CSTA: variants seen among roughly 807,000 people sequenced by gnomAD.
The protein encoded by CSTA is cystatin-A.
Under a neutral mutation model 9.2 loss-of-function variants are expected in CSTA, and 9 were observed. That is an observed-to-expected ratio of 0.97 (90% CI 0.59 to 1.70). The LOEUF is 1.70. Ranked by LOEUF, CSTA falls within the 40% of genes most tolerant of loss-of-function variation. The pLI is 0.00. For missense variants in CSTA, 118 were observed against 113.1 expected (o/e 1.04, Z -0.20); for synonymous variants, 36 against 40.6 (o/e 0.89, Z 0.43).
intron 2 of CSTA, among the ~76,000 whole-genome samples, chr3:122,340,479 T>C (rs546052102): frequency 2.4e-4 from 36 of 152,240 alleles, no homozygotes; most frequent in South Asian, 1.5e-3. Context: ...TAATTTTGTA[T>C]TTTTAGTAGA....
chr3:122,334,707 C>T (rs1440978112), intron 1 of CSTA, among the ~76,000 whole-genome samples: 1 of 152,124 alleles, frequency 6.6e-6, no homozygotes, highest in Non-Finnish European at 1.5e-5. Context: ...AATCCACAGA[C>T]ATAAAGACAA....
At chr3:122,330,017 C>T (rs950747917) in intron 1 of CSTA, among the ~76,000 whole-genome samples, 1 of 152,188 alleles carries the variant, frequency 6.6e-6, no homozygotes, top group African/African-American at 2.4e-5. Flanking sequence ...TTAGGAAGCA[C>T]TTTCACGTCA....
chr3:122,341,573 T>C lies in CSTA; in HGVS notation c.*6T>C, dbSNP rs765035453. The C allele has an allele frequency of 3.7e-6, 6 of 1,614,034 alleles. No individual in the cohort carries two copies. The highest frequency in any genetic ancestry group is 1.3e-5 in the African/African-American group (1 of 74,930). On this transcript the variant is annotated 3_prime_UTR_variant, in exon 3 of 3. Coordinates refer to ENST00000264474, the MANE Select transcript of CSTA (RefSeq NM_005213.4). ...ACGAGCTGACGGGCTTTTAGCAGCATGTACCCAAAGTGTTCTGATTCCTTC... is the reference window on the plus strand; with the variant it reads ...ACGAGCTGACGGGCTTTTAGCAGCACGTACCCAAAGTGTTCTGATTCCTTC...
intron 1 of CSTA, among the ~76,000 whole-genome samples, chr3:122,328,393 C>T (rs2075182375): frequency 1.3e-5 from 2 of 150,816 alleles, no homozygotes; most frequent in South Asian, 4.2e-4. Flanking sequence ...CCCAGCTACC[C>T]AGAGGCTGAG....
At position 122,337,660 on chromosome 3, in the gene CSTA, G is replaced by A. The variant is rs760684347; in HGVS notation, c.168+12G>A. 2 of 1,498,452 alleles carry A rather than the reference G, an allele frequency of 1.3e-6. No homozygotes were observed. Among genetic ancestry groups the A allele is most frequent in the South Asian group, 2.3e-5 (2 of 88,760 alleles). The allele number at this position is 1,498,452 out of a possible 1,614,324, so 92.8% of individuals were successfully genotyped here. A position where few individuals can be genotyped will look rare whatever the true frequency, so the allele number is the denominator to read the frequency against. Reference sequence around the variant, plus strand: ...ATTACTACATTAAGGTTAGAGTTCAGCACCTACTTTAGCGCCAAAAGATGT... The same window carrying A: ...ATTACTACATTAAGGTTAGAGTTCAACACCTACTTTAGCGCCAAAAGATGT... On this transcript the variant is annotated intron_variant, in intron 2 of 2. Transcript: ENST00000264474.
Position 122,341,694 on chromosome 3 carries a change from T to G in CSTA, c.*127T>G. On this transcript the variant is annotated 3_prime_UTR_variant, in exon 3 of 3. Coordinates refer to ENST00000264474, the MANE Select transcript of CSTA (RefSeq NM_005213.4). ...AATTATTTCTTCAATTATTTCTCAT[T>G]TATTGTATTAAGCAGAAATTACCTT... 5 of 1,216,366 alleles carry G rather than the reference T, an allele frequency of 4.1e-6. No homozygotes were observed. The highest frequency in any genetic ancestry group is 4.8e-6 in the Non-Finnish European group (4 of 841,016). 75.3% of individuals were successfully genotyped at this position (1,216,366 alleles called of 1,614,324 possible).
chr3:122,337,422 A>G (rs866693020), intron 1 of CSTA, 125 bp from the exon 2 acceptor site: 6 of 677,740 alleles, frequency 8.9e-6, no homozygotes, highest in South Asian at 5.2e-5. Context: ...AATAATAAAA[A>G]TAGTTCATAG....
At position 122,325,327 on chromosome 3, in the gene CSTA, C is replaced by T; in HGVS notation, c.35C>T (p.Ala12Val). The T allele has an allele frequency of 1.9e-6, 3 of 1,614,198 alleles. No individual in the cohort carries two copies. Among genetic ancestry groups the T allele is most frequent in the Non-Finnish European group, 1.7e-6 (2 of 1,180,034 alleles). Residue 12 changes from alanine to valine, a missense_variant, in exon 1 of 3, where the codon GCC becomes GTC. Transcript: ENST00000264474. ...IPGGLSEAKP[A>V]TPEIQEIVDK... Reference sequence around the variant, plus strand: ...GGAGGCTTATCTGAGGCCAAACCCGCCACTCCAGAAATCCAGGAGATTGTT... The same window carrying T: ...GGAGGCTTATCTGAGGCCAAACCCGTCACTCCAGAAATCCAGGAGATTGTT...
chr3:122,339,779 G>A (rs991973415), intron 2 of CSTA, among the ~76,000 whole-genome samples: 6 of 152,172 alleles, frequency 3.9e-5, no homozygotes, highest in African/African-American at 1.2e-4. Context: ...CACTTGAGCC[G>A]AGGAGTTTGA....
At position 122,341,771 on chromosome 3, in the gene CSTA, T is replaced by C. The variant is rs1377906337; in HGVS notation, c.*204T>C. 5 of 604,900 alleles carry C rather than the reference T, an allele frequency of 8.3e-6. No individual in the cohort carries two copies. Among genetic ancestry groups the C allele is most frequent in the African/African-American group, 1.9e-5 (1 of 53,596 alleles). The allele number at this position is 604,900 out of a possible 1,614,324, so 37.5% of individuals were successfully genotyped here. ...TTTAGAGTATAAACTCCATATAAATTGATGGCAATTGGAAATCTTATAAAA... is the reference window on the plus strand; with the variant it reads ...TTTAGAGTATAAACTCCATATAAATCGATGGCAATTGGAAATCTTATAAAA... On this transcript the variant is annotated 3_prime_UTR_variant, in exon 3 of 3. Coordinates refer to ENST00000264474, the MANE Select transcript of CSTA (RefSeq NM_005213.4).
chr3:122,327,742 C>T (rs1478246251), intron 1 of CSTA, among the ~76,000 whole-genome samples: 2 of 19,538 alleles, frequency 1.0e-4, no homozygotes, highest in Non-Finnish European at 7.0e-4. Context: ...GAAAGCATCC[C>T]TGACCCTAAA....
chr3:122,338,787 A>G (rs1211720130), intron 2 of CSTA, among the ~76,000 whole-genome samples: 2 of 152,248 alleles, frequency 1.3e-5, no homozygotes, highest in Non-Finnish European at 2.9e-5. Context: ...CAACATTAAC[A>G]TATTTAATAA....
chr3:122,337,291 T>G (rs1184650253), intron 1 of CSTA, among the ~76,000 whole-genome samples: 1 of 152,216 alleles, frequency 6.6e-6, no homozygotes, highest in Non-Finnish European at 1.5e-5. Context: ...TCTTAGAGTT[T>G]TAGCAGTCAA....
At chr3:122,327,094 C>T (rs529001166) in intron 1 of CSTA, among the ~76,000 whole-genome samples, 119 of 151,788 alleles carry the variant, frequency 7.8e-4, no homozygotes, top group Non-Finnish European at 1.5e-3. Context: ...AAAAATTAGC[C>T]GAGCATGGTG....
chr3:122,333,595 A>AAAGAAAG, intron 1 of CSTA, among the ~76,000 whole-genome samples: 1 of 128,756 alleles, frequency 7.8e-6, no homozygotes, highest in Non-Finnish European at 1.8e-5. Flanking sequence ...AAGAAAGAAG[A>AAAGAAAG]AAGAGAGAGA....
In CSTA at chr3:122,341,671, T is replaced by G. The variant is rs2075266758; in HGVS notation, c.*104T>G. 1 of 1,385,356 alleles carries G rather than the reference T, an allele frequency of 7.2e-7. No homozygotes were observed. Among genetic ancestry groups the G allele is most frequent in the Non-Finnish European group, 1.0e-6 (1 of 986,902 alleles). The allele number at this position is 1,385,356 out of a possible 1,614,324, so 85.8% of individuals were successfully genotyped here. ...AAAGAAGCATTCTTTTCCAAAGAAA[T>G]TATTTCTTCAATTATTTCTCATTTA... On this transcript the variant is annotated 3_prime_UTR_variant, in exon 3 of 3. Transcript: ENST00000264474.
rs977166091 is a variant in CSTA at position 122,341,881 on chromosome 3, C to T, written c.*314C>T. On this transcript the variant is annotated 3_prime_UTR_variant, in exon 3 of 3. Transcript: ENST00000264474. ...CAGGCTGGATCGTGGACTATCAATT[C>T]ACCAGCCTCCTTGTTCCCTGTGGCT... 2.8e-6 allele frequency: 1 copy of T among 356,008 alleles called. No homozygotes were observed. The highest frequency in any genetic ancestry group is 5.3e-6 in the Non-Finnish European group (1 of 187,670). 22.1% of individuals were successfully genotyped at this position (356,008 alleles called of 1,614,324 possible). A position where few individuals can be genotyped will look rare whatever the true frequency, so the allele number is the denominator to read the frequency against.
In CSTA at chr3:122,341,464, T is replaced by A. The variant is rs369153947; in HGVS notation, c.194T>A (p.Met65Lys). Reference sequence around the variant, plus strand: ...GTACGAGCAGGTGATAATAAATATATGCACTTGAAAGTATTCAAAAGTCTT... The same window carrying A: ...GTACGAGCAGGTGATAATAAATATAAGCACTTGAAAGTATTCAAAAGTCTT... The part of the protein sequence containing the change: ...IKVRAGDNKY[M>K]HLKVFKSLPG... The change falls in exon 3 of 3, where the codon ATG becomes AAG. Residue 65 changes from methionine to lysine, a missense_variant. Met to Lys is a moderately conservative substitution (Grantham distance 95). Transcript: ENST00000264474. 2 of 1,614,046 alleles carry A rather than the reference T, an allele frequency of 1.2e-6. No individual in the cohort carries two copies. Among genetic ancestry groups the A allele is most frequent in the Non-Finnish European group, 1.7e-6 (2 of 1,179,934 alleles).
At chr3:122,340,144 G>A (rs186402748) in intron 2 of CSTA, among the ~76,000 whole-genome samples, 3 of 152,240 alleles carry the variant, frequency 2.0e-5, no homozygotes, top group East Asian at 1.9e-4. Flanking sequence ...GACATCAGAA[G>A]CACAATAAAT....
Sources: gnomAD v4.1 joint callset for allele counts (sites outside exome capture counted in the v4.1 genomes callset) on GRCh38, gnomAD v4.1.1 for gene constraint, MANE v1.5 for transcripts, NCBI Gene and HGNC (gene_info 2026-07-23, HGNC 2026-07-21) for gene names.